ATF6: variants seen among roughly 807,000 people sequenced by gnomAD.
ATF6 encodes cyclic AMP-dependent transcription factor ATF-6 alpha.
A neutral mutation model predicts 83.6 loss-of-function variants in ATF6; 53 were observed. That is an observed-to-expected ratio of 0.63 (90% CI 0.51 to 0.80). The LOEUF (loss-of-function observed/expected upper bound fraction) is 0.80. ATF6 is among the 30% of genes least tolerant of loss of function. The pLI is 0.00. For synonymous variants in ATF6, 288 were observed against 285.8 expected (o/e 1.01, Z -0.08); for missense variants, 744 against 797.9 (o/e 0.93, Z 0.81).
intron 14 of ATF6, among the ~76,000 whole-genome samples, chr1:161,883,623 A>G (rs1687362098): frequency 6.6e-6 from 1 of 152,060 alleles, no homozygotes. Context: ...CATTCACAAG[A>G]TATAATAAAC....
chr1:161,956,758 A>G (rs1444648489), intron 15 of ATF6, among the ~76,000 whole-genome samples: 3 of 152,248 alleles, frequency 2.0e-5, no homozygotes, highest in African/African-American at 7.2e-5. Context: ...AAACATTGGA[A>G]CAAATGAGTG....
chr1:161,892,596 T>G (rs980453211), intron 14 of ATF6, among the ~76,000 whole-genome samples: 1 of 151,956 alleles, frequency 6.6e-6, no homozygotes, highest in African/African-American at 2.4e-5. Flanking sequence ...AGTCCCTCAT[T>G]AGCATTTCCC....
chr1:161,958,684 G>C lies in ATF6; in HGVS notation c.*30G>C, dbSNP rs191852748. On this transcript the variant is annotated 3_prime_UTR_variant, in exon 16 of 16. Transcript: ENST00000367942. Reference sequence around the variant, plus strand: ...CTGCAGCTATGCTGGAAAACTGAGCGTGGGACCCTGCCAGACTGAAGAGCA... The same window carrying C: ...CTGCAGCTATGCTGGAAAACTGAGCCTGGGACCCTGCCAGACTGAAGAGCA... The C allele has an allele frequency of 6.4e-7, 1 of 1,566,732 alleles. No homozygotes were observed. The highest frequency in any genetic ancestry group is 1.7e-5 in the Admixed American group (1 of 57,352).
In ATF6 at chr1:161,853,287, A is replaced by C. The variant is rs892800843; in HGVS notation, c.1497A>C (p.Arg499Ser). 6.2e-7 allele frequency: 1 copy of C among 1,613,706 alleles called. No individual in the cohort carries two copies. The highest frequency in any genetic ancestry group is 8.5e-7 in the Non-Finnish European group (1 of 1,179,716). Residue 499 changes from arginine (R) to serine (S), a missense_variant, in exon 12 of 16, where the codon AGA becomes AGC. Arg to Ser is a moderately radical substitution (Grantham distance 110, BLOSUM62 -1). Coordinates refer to ENST00000367942, the MANE Select transcript of ATF6 (RefSeq NM_007348.4). ...AAGTAGAAAGGACCAAGTCAAGAAG[A>C]ATGACAAATAATCAACAGAAAACCC... ...RHEVERTKSR[R>S]MTNNQQKTRI...
intron 1 of ATF6, among the ~76,000 whole-genome samples, chr1:161,776,386 A>AT (rs1252405192): frequency 6.6e-6 from 1 of 152,076 alleles, no homozygotes; most frequent in African/African-American, 2.4e-5. Context: ...ATTGCTGGAG[A>AT]TGACTGTGCA....
At chr1:161,812,076 T>C (rs1468445300) in intron 7 of ATF6, among the ~76,000 whole-genome samples, 1 of 152,214 alleles carries the variant, frequency 6.6e-6, no homozygotes, top group African/African-American at 2.4e-5. Flanking sequence ...AAATGTCATA[T>C]TGCTAAGATG....
At chr1:161,945,194 G>A (rs1482668120) in intron 15 of ATF6, among the ~76,000 whole-genome samples, 2 of 152,180 alleles carry the variant, frequency 1.3e-5, no homozygotes, top group Non-Finnish European at 2.9e-5. Context: ...TAGCAAGATA[G>A]AACAAGTCTG....
Position 161,879,569 on chromosome 1 carries a change from CA to C in ATF6, c.1719+16259del, listed in dbSNP as rs1169621782. On this transcript the variant is annotated intron_variant, in intron 14 of 15. Transcript: ENST00000367942. ...CCAATCTTGGAGGGGCTGTCCTATG[CA>C]AGGAGGTCTTCATGGAGACCTAACA... is the stretch of plus-strand genomic sequence containing the variant. Among the ~76,000 whole-genome samples the C allele has an allele frequency of 2.0e-5, 3 of 152,036 alleles. No homozygotes were observed. The East Asian group carries it at 5.8e-4, about 29-fold the overall frequency.
chr1:161,951,227 A>C (rs1329374639), intron 15 of ATF6, among the ~76,000 whole-genome samples: 2 of 152,256 alleles, frequency 1.3e-5, no homozygotes, highest in African/African-American at 4.8e-5. Flanking sequence ...TGAATTCAAC[A>C]GATAAGCTTG....
At position 161,961,948 on chromosome 1, in the gene ATF6, A is replaced by C. The variant is rs1007378533; in HGVS notation, c.*3294A>C. On this transcript the variant is annotated 3_prime_UTR_variant, in exon 16 of 16. Transcript: ENST00000367942. ...AGCAGTACAGGGACACAGCTTCATT[A>C]GAGTGTTAGTGTAAACTAACTCCAA... The C allele has an allele frequency of 2.6e-5, 4 of 152,232 alleles. No homozygotes were observed. Among genetic ancestry groups the C allele is most frequent in the Non-Finnish European group, 5.9e-5 (4 of 68,034 alleles). 9.4% of individuals were successfully genotyped at this position (152,232 alleles called of 1,614,324 possible). A position where few individuals can be genotyped will look rare whatever the true frequency, so the allele number is the denominator to read the frequency against.
At position 161,963,302 on chromosome 1, in the gene ATF6, A is replaced by G. The variant is rs1689139841; in HGVS notation, c.*4648A>G. 6.6e-6 allele frequency: 1 copy of G among 152,244 alleles called. No individual in the cohort carries two copies. The highest frequency in any genetic ancestry group is 1.5e-5 in the Non-Finnish European group (1 of 68,046). 9.4% of individuals were successfully genotyped at this position (152,244 alleles called of 1,614,324 possible). On this transcript the variant is annotated 3_prime_UTR_variant, in exon 16 of 16. Coordinates refer to ENST00000367942, the MANE Select transcript of ATF6 (RefSeq NM_007348.4). ...TGTGTTATTAGATGCAATAGAATTTATGAAAAGAAGAATGACAAAGGTATC... is the reference window on the plus strand; with the variant it reads ...TGTGTTATTAGATGCAATAGAATTTGTGAAAAGAAGAATGACAAAGGTATC...
Position 161,789,252 on chromosome 1 carries a change from C to CTTTTTT in ATF6, c.355-2135_355-2130dup, listed in dbSNP as rs71755584. On this transcript the variant is annotated intron_variant, in intron 4 of 15. Coordinates refer to ENST00000367942, the MANE Select transcript of ATF6 (RefSeq NM_007348.4). ...TAAATAATATGTCTTATTCCTTCTC[C>CTTTTTT]TTTTTTTTTTTTTTTTTTTTTTTTT... Among the ~76,000 whole-genome samples the CTTTTTT allele has an allele frequency of 2.2e-4, 22 of 101,368 alleles. 3 individuals are homozygous for CTTTTTT. The East Asian group carries it at 3.6e-3, about 17-fold the overall frequency. The allele number at this position is 101,368 out of a possible 152,430, so 66.5% of individuals were successfully genotyped here.
chr1:161,943,698 T>C (rs930921802), intron 15 of ATF6, among the ~76,000 whole-genome samples: 1 of 152,158 alleles, frequency 6.6e-6, no homozygotes, highest in Non-Finnish European at 1.5e-5. Flanking sequence ...GCTCCCCCAG[T>C]TCTGCCAGGT....
intron 14 of ATF6, among the ~76,000 whole-genome samples, chr1:161,905,561 G>C (rs1276813875): frequency 6.6e-6 from 1 of 152,138 alleles, no homozygotes; most frequent in East Asian, 1.9e-4. Flanking sequence ...TTTCTAAAAT[G>C]AAACATCTTG....
intron 4 of ATF6, among the ~76,000 whole-genome samples, chr1:161,784,662 A>G (rs1684706445): frequency 6.6e-6 from 1 of 152,224 alleles, no homozygotes; most frequent in Non-Finnish European, 1.5e-5. Flanking sequence ...GGAAAGGGAA[A>G]GTATAAGAAT....
In ATF6 at chr1:161,846,509, G is replaced by A; in HGVS notation, c.1248G>A (p.Arg416=). 1 of 1,611,690 alleles carries A rather than the reference G, an allele frequency of 6.2e-7. No homozygotes were observed. Among genetic ancestry groups the A allele is most frequent in the Non-Finnish European group, 8.5e-7 (1 of 1,178,552 alleles). ...GTGTGAGCCCTGCAAATCAAAGGAG[G>A]CACCTTCTAGGATTTTCTGCTAAAG... The part of the protein sequence containing the change: ...NPSVSPANQR[R]HLLGFSAKEA... The change falls in exon 10 of 16, where the codon AGG becomes AGA. Residue 416 remains arginine, a synonymous_variant. Transcript: ENST00000367942.
chr1:161,787,363 T>C (rs1291352231), intron 4 of ATF6, among the ~76,000 whole-genome samples: 1 of 152,230 alleles, frequency 6.6e-6, no homozygotes, highest in Admixed American at 6.5e-5. Context: ...TAATTATTTA[T>C]TCTGATTCTT....
At chr1:161,918,908 T>C (rs760224327) in intron 15 of ATF6, among the ~76,000 whole-genome samples, 1 of 152,172 alleles carries the variant, frequency 6.6e-6, no homozygotes, top group Non-Finnish European at 1.5e-5. Context: ...ATTTTCCAAT[T>C]TAAGCACAGT....
Position 161,853,324 on chromosome 1 carries a change from G to C in ATF6, c.1533+1G>C, listed in dbSNP as rs797045172. On this transcript the variant is annotated splice_donor_variant, in intron 12 of 15. Coordinates refer to ENST00000367942, the MANE Select transcript of ATF6 (RefSeq NM_007348.4). LOFTEE classifies it high-confidence loss of function. ...TCAACAGAAAACCCGTATTCTTCAG[G>C]TATGTTTCTGTTTGTCTTTGAACAA... 7 of 1,607,732 alleles carry C rather than the reference G, an allele frequency of 4.4e-6. No individual in the cohort carries two copies. The highest frequency in any genetic ancestry group is 6.0e-6 in the Non-Finnish European group (7 of 1,174,756).
Sources: allele counts gnomAD v4.1 joint callset (sites outside exome capture counted in the v4.1 genomes callset), GRCh38; gene constraint gnomAD v4.1.1; transcripts MANE v1.5; gene names NCBI Gene and HGNC (gene_info 2026-07-23, HGNC 2026-07-21).